Variants in HSD17B4 observed in about 807,000 individuals in gnomAD.
HSD17B4 encodes the protein peroxisomal multifunctional enzyme type 2.
Under a neutral mutation model 101.0 loss-of-function variants are expected in HSD17B4, and 70 were observed. The ratio of observed to expected loss-of-function variants is 0.69; its 90% CI spans 0.57 to 0.85. The LOEUF (loss-of-function observed/expected upper bound fraction) is 0.85, where lower values mean the gene tolerates loss of function less well. Among genes scored for constraint, HSD17B4 ranks in the 40% least tolerant of loss-of-function variants. HSD17B4 has a pLI of 0.00. For missense variants in HSD17B4, 984 were observed against 892.4 expected (o/e 1.10, Z -1.31); for synonymous variants, 347 against 297.1 (o/e 1.17, Z -1.73).
intron 8 of HSD17B4, among the ~76,000 whole-genome samples, chr5:119,483,197 T>A (rs1024889041): frequency 6.6e-6 from 1 of 152,138 alleles, no homozygotes; most frequent in South Asian, 2.1e-4. Context: ...CCTCCTAAGA[T>A]GAAACAAGTC....
At chr5:119,453,506 C>T (rs1274758333) in intron 1 of HSD17B4, among the ~76,000 whole-genome samples, 2 of 152,182 alleles carry the variant, frequency 1.3e-5, no homozygotes, top group East Asian at 3.8e-4. Flanking sequence ...AGTGGGTGAC[C>T]TCTGTAACCT....
intron 22 of HSD17B4, among the ~76,000 whole-genome samples, chr5:119,533,519 A>T (rs1481558654): frequency 6.6e-6 from 1 of 152,106 alleles, no homozygotes; most frequent in Non-Finnish European, 1.5e-5. Flanking sequence ...AATGAGAAAG[A>T]GTCAAAACTA....
At chr5:119,505,313 T>G (rs1274178329) in intron 14 of HSD17B4, among the ~76,000 whole-genome samples, 1 of 152,148 alleles carries the variant, frequency 6.6e-6, no homozygotes, top group Non-Finnish European at 1.5e-5. Flanking sequence ...GGAACAGCAT[T>G]GAATCTGCAG....
chr5:119,533,791 T>A (rs1430459360), intron 22 of HSD17B4, among the ~76,000 whole-genome samples: 1 of 152,134 alleles, frequency 6.6e-6, no homozygotes, highest in Non-Finnish European at 1.5e-5. Context: ...CCACCTTGCT[T>A]CATGACATGC....
At chr5:119,466,928 C>T (rs1189683732) in intron 2 of HSD17B4, among the ~76,000 whole-genome samples, 1 of 151,898 alleles carries the variant, frequency 6.6e-6, no homozygotes, top group Non-Finnish European at 1.5e-5. Context: ...ATAGGCTTTC[C>T]TCTTAGTACT....
chr5:119,517,708 A>G (rs1752756948), intron 17 of HSD17B4, among the ~76,000 whole-genome samples: 1 of 152,122 alleles, frequency 6.6e-6, no homozygotes, highest in Non-Finnish European at 1.5e-5. Context: ...GCACCAGTGG[A>G]CACTCTGTAT....
intron 17 of HSD17B4, 75 bp downstream of exon 17, chr5:119,515,121 A>G (rs971794408): frequency 1.2e-5 from 10 of 817,228 alleles, no homozygotes; most frequent in South Asian, 1.2e-4. Flanking sequence ...CTGATACCTT[A>G]TAACATTATG....
chr5:119,477,684 G>T lies in HSD17B4; in HGVS notation c.434+183G>T, dbSNP rs528212393. 3.0e-4 allele frequency: 180 copies of T among 606,560 alleles called. No homozygotes were observed. The South Asian group carries it at 3.5e-3, about 12-fold the overall frequency. 37.6% of individuals were successfully genotyped at this position (606,560 alleles called of 1,614,324 possible). A position where few individuals can be genotyped will look rare whatever the true frequency, so the allele number is the denominator to read the frequency against. ...ATTGGTATAATTTAGTCACAGATTG[G>T]CTGAGCTGGAAAGCTTTATATTTAT... On this transcript the variant is annotated intron_variant, in intron 7 of 23. Transcript: ENST00000510025.
chr5:119,480,799 G>A lies in HSD17B4; in HGVS notation c.622+1778G>A, dbSNP rs191564233. On this transcript the variant is annotated intron_variant, in intron 8 of 23. Coordinates refer to ENST00000510025, the MANE Select transcript of HSD17B4 (RefSeq NM_000414.4). ...CAACCGTAAGAGACAGGTACGCCCC[G>A]GGGGGGCCAGTTCAGAGACCTACCC... Among the ~76,000 whole-genome samples, 411 of 151,982 alleles carry A rather than the reference G, an allele frequency of 2.7e-3. 5 individuals are homozygous for A. Among genetic ancestry groups the A allele is most frequent in the Admixed American group, 7.8e-3 (119 of 15,244 alleles).
intron 8 of HSD17B4, among the ~76,000 whole-genome samples, chr5:119,488,983 C>G (rs1749850222): frequency 6.6e-6 from 1 of 152,076 alleles, no homozygotes; most frequent in Non-Finnish European, 1.5e-5. Flanking sequence ...GTGTCTGATA[C>G]TTACAATTTT....
Position 119,537,731 on chromosome 5 carries a change from A to G in HSD17B4, c.2121+1181A>G, listed in dbSNP as rs575054845. On this transcript the variant is annotated intron_variant, in intron 23 of 23. Transcript: ENST00000510025. ...TCTGTTGCAGCTCTTCAGCTTTGCC[A>G]TTGTAGCCTTAAAGTAGCCATAGAG... is the stretch of plus-strand genomic sequence containing the variant. 1.6e-3 allele frequency among the ~76,000 whole-genome samples: 249 copies of G among 152,234 alleles called. 6 individuals are homozygous for G. In the South Asian group the frequency reaches 0.048, roughly 30 times the overall value.
intron 18 of HSD17B4, 88 bp downstream of exon 18, chr5:119,525,373 G>A (rs2126874116): frequency 1.2e-6 from 1 of 802,022 alleles, no homozygotes; most frequent in Middle Eastern, 2.5e-4. Context: ...CTTATGACTG[G>A]TAGTTTGAGT....
chr5:119,526,563 G>T (rs1753619444), intron 19 of HSD17B4, among the ~76,000 whole-genome samples: 1 of 151,848 alleles, frequency 6.6e-6, no homozygotes, highest in South Asian at 2.1e-4. Flanking sequence ...AGTTTAAGGG[G>T]TTGTCAAATA....
At chr5:119,534,853 C>G (rs182136787) in intron 22 of HSD17B4, among the ~76,000 whole-genome samples, 48 of 152,210 alleles carry the variant, frequency 3.2e-4, no homozygotes, top group African/African-American at 1.2e-3. Context: ...CTCCTGACTG[C>G]GTGCTCATGT....
chr5:119,530,830 G>A (rs1373115799), intron 21 of HSD17B4, among the ~76,000 whole-genome samples: 5 of 128,600 alleles, frequency 3.9e-5, no homozygotes, highest in East Asian at 2.5e-4. Flanking sequence ...TCTAGCCTGG[G>A]CGACAAGTCT....
rs376633273 is a variant in HSD17B4 at position 119,455,146 on chromosome 5, A to G, written c.59-1169A>G. ...CCTTCCACCCCTTATTGCTAGCCAC[A>G]TAGTTCTGTCCTCCAGAGGTAACCA... On this transcript the variant is annotated intron_variant, in intron 1 of 23. Transcript: ENST00000510025. Among the ~76,000 whole-genome samples the G allele has an allele frequency of 3.9e-5, 6 of 152,254 alleles. No individual in the cohort carries two copies. The South Asian group carries it at 8.3e-4, about 21-fold the overall frequency.
intron 7 of HSD17B4, chr5:119,477,828 C>G (rs1748734347): frequency 3.5e-6 from 1 of 285,062 alleles, no homozygotes; most frequent in Non-Finnish European, 6.8e-6. Flanking sequence ...ACATGGCTCA[C>G]TGTAGCCTTA....
intron 9 of HSD17B4, among the ~76,000 whole-genome samples, chr5:119,490,302 C>T (rs964310346): frequency 6.6e-6 from 1 of 152,112 alleles, no homozygotes; most frequent in African/African-American, 2.4e-5. Flanking sequence ...ATTTAATAAT[C>T]TCAAGCCATC....
chr5:119,502,980 T>C (rs981895753), intron 14 of HSD17B4, among the ~76,000 whole-genome samples: 2 of 152,152 alleles, frequency 1.3e-5, no homozygotes, highest in Non-Finnish European at 2.9e-5. Flanking sequence ...GTAGGTAATT[T>C]TCTAACCTGT....
Sources: allele counts gnomAD v4.1 joint callset (sites outside exome capture counted in the v4.1 genomes callset), GRCh38; gene constraint gnomAD v4.1.1; transcripts MANE v1.5; gene names NCBI Gene and HGNC (gene_info 2026-07-23, HGNC 2026-07-21).